TGS1: variants seen among roughly 807,000 people sequenced by gnomAD.
The protein encoded by TGS1 is trimethylguanosine synthase 1, also known as trimethylguanosine synthase.
TGS1 carries 69 observed loss-of-function variants against 92.2 expected under a neutral mutation model. That is an observed-to-expected ratio of 0.75 (90% confidence interval 0.62 to 0.91). TGS1 has a LOEUF of 0.91. TGS1 is among the 40% of genes least tolerant of loss of function. The pLI, the probability that TGS1 is intolerant of heterozygous loss-of-function variation, is 0.00. For synonymous variants in TGS1, 345 were observed against 338.1 expected (o/e 1.02, Z -0.22); for missense variants, 1,062 against 1,001.2 (o/e 1.06, Z -0.82).
chr8:55,809,654 C>T (rs966473952), intron 10 of TGS1, among the ~76,000 whole-genome samples: 6 of 152,054 alleles, frequency 3.9e-5, no homozygotes, highest in South Asian at 2.1e-4. Flanking sequence ...GATGGGGTTT[C>T]GAACTCCTGA....
At chr8:55,780,177 T>C (rs1243176813) in intron 1 of TGS1, among the ~76,000 whole-genome samples, 139 of 120,602 alleles carry the variant, frequency 1.2e-3, no homozygotes, top group African/African-American at 4.5e-3. Flanking sequence ...TTTTTTTTTC[T>C]TTTTTTTTTT....
In TGS1 at chr8:55,786,385, T is replaced by C; in HGVS notation, c.487T>C (p.Tyr163His). The C allele has an allele frequency of 6.2e-7, 1 of 1,613,788 alleles. No individual in the cohort carries two copies. The highest frequency in any genetic ancestry group is 8.5e-7 in the Non-Finnish European group (1 of 1,179,962). The change falls in exon 4 of 13, where the codon TAT (tyrosine) becomes CAT (histidine). Residue 163 changes from tyrosine to histidine, a missense_variant. By Grantham distance (83) the Tyr-to-His change is moderately conservative. Transcript: ENST00000260129. ...ASDDPSSIEQ[Y>H]ENTRTYELQS... The stretch of plus-strand genomic sequence containing the variant: ...AGATGATCCATCTTCAATTGAACAG[T>C]ATGAGAACACCAGAACATATGAACT...
At chr8:55,803,692 C>CTT (rs111520676) in intron 9 of TGS1, among the ~76,000 whole-genome samples, 5 of 144,150 alleles carry the variant, frequency 3.5e-5, no homozygotes, top group East Asian at 4.0e-4. Context: ...TTTTTCTTTT[C>CTT]TTTTTTTTTT....
rs748577594 is a variant in TGS1, at chr8:55,796,053, C to T, written c.1443C>T (p.Tyr481=). 2.3e-5 allele frequency: 37 copies of T among 1,612,794 alleles called. No homozygotes were observed. Among genetic ancestry groups the T allele is most frequent in the Non-Finnish European group, 3.1e-5 (36 of 1,179,190 alleles). Residue 481 remains tyrosine, a synonymous_variant, in exon 7 of 13, where the codon TAC becomes TAT. Coordinates refer to ENST00000260129, the MANE Select transcript of TGS1 (RefSeq NM_024831.8). ...AGAATGTGAAGCTTAAGTCTAAGTA[C>T]CTAGACATGCGCAGACAAATAAAGA... ...LEKNVKLKSK[Y]LDMRRQIKMK... is the part of the protein sequence containing the mutation.
At chr8:55,781,606 C>A (rs1308298753) in intron 1 of TGS1, among the ~76,000 whole-genome samples, 1 of 152,164 alleles carries the variant, frequency 6.6e-6, no homozygotes, top group African/African-American at 2.4e-5. Flanking sequence ...CTCCTGCTTC[C>A]CACCCCCAGT....
chr8:55,793,308 A>G (rs896883440), intron 6 of TGS1, among the ~76,000 whole-genome samples: 6 of 152,180 alleles, frequency 3.9e-5, no homozygotes, highest in African/African-American at 1.4e-4. Flanking sequence ...GCTGGGCAAT[A>G]TAGGGAGACC....
Position 55,802,618 on chromosome 8 carries a change from A to G in TGS1, c.1999+12A>G, listed in dbSNP as rs767715605. 1.7e-5 allele frequency: 27 copies of G among 1,586,814 alleles called. No homozygotes were observed. Among genetic ancestry groups the G allele is most frequent in the Non-Finnish European group, 2.2e-5 (26 of 1,170,716 alleles). On this transcript the variant is annotated intron_variant, in intron 9 of 12. Transcript: ENST00000260129. ...TAAGTTGGACAGAGGTAAAGTATAT[A>G]TGTATTTTTTAGCTTTATTTTGAAA... is the stretch of plus-strand genomic sequence containing the variant.
At position 55,786,813 on chromosome 8, in the gene TGS1, T is replaced by C; in HGVS notation, c.915T>C (p.Asp305=). ...CTTCACCTATTATGGTTGATAATGA[T>C]AGCTCTGGTACAAGTGATAAGGATC... ...FPSSPIMVDN[D]SSGTSDKDHS... Residue 305 remains aspartate, a synonymous_variant, in exon 4 of 13, where the codon GAT becomes GAC. Transcript: ENST00000260129. The C allele has an allele frequency of 3.1e-6, 5 of 1,614,186 alleles. No homozygotes were observed. Among genetic ancestry groups the C allele is most frequent in the Non-Finnish European group, 4.2e-6 (5 of 1,180,016 alleles).
intron 12 of TGS1, among the ~76,000 whole-genome samples, chr8:55,819,065 C>T (rs772460078): frequency 3.9e-5 from 6 of 152,312 alleles, no homozygotes; most frequent in Admixed American, 2.0e-4. Context: ...CCTCAGCCTT[C>T]AGAGTAGCTG....
chr8:55,806,277 A>T (rs1260231449), intron 10 of TGS1, among the ~76,000 whole-genome samples: 2 of 145,058 alleles, frequency 1.4e-5, no homozygotes, highest in African/African-American at 5.2e-5. Context: ...AATCGCATGA[A>T]CCCGGGAGGT....
At chr8:55,804,652 A>G (rs952327243) in intron 9 of TGS1, among the ~76,000 whole-genome samples, 1 of 152,216 alleles carries the variant, frequency 6.6e-6, no homozygotes, top group African/African-American at 2.4e-5. Context: ...ATGGAGGTAT[A>G]CAGTATTACA....
chr8:55,824,459 C>A, intron 12 of TGS1, 122 bp from the exon 13 acceptor site: 1 of 1,258,048 alleles, frequency 7.9e-7, no homozygotes, highest in Non-Finnish European at 1.1e-6. Context: ...ATTTGAGATG[C>A]CTCATTATTC....
In TGS1 at chr8:55,796,004, A is replaced by T; in HGVS notation, c.1394A>T (p.His465Leu). The T allele has an allele frequency of 6.2e-7, 1 of 1,613,564 alleles. No individual in the cohort carries two copies. Among genetic ancestry groups the T allele is most frequent in the Non-Finnish European group, 8.5e-7 (1 of 1,179,800 alleles). ...QKYGGIPNFS[H>L]RQVRYLEKNV... ...TATGGTGGAATCCCAAATTTCAGTC[A>T]TCGGCAGGTCAGGTATTTAGAGAAG... The change falls in exon 7 of 13, where the codon CAT becomes CTT. Residue 465 changes from histidine (H) to leucine (L), a missense_variant. His to Leu is a moderately conservative substitution (Grantham distance 99). Coordinates refer to ENST00000260129, the MANE Select transcript of TGS1 (RefSeq NM_024831.8).
chr8:55,797,865 G>A lies in TGS1; in HGVS notation c.1543-1049G>A, dbSNP rs1158065557. On this transcript the variant is annotated intron_variant, in intron 7 of 12. Coordinates refer to ENST00000260129, the MANE Select transcript of TGS1 (RefSeq NM_024831.8). ...TGACTCTTTTTCCCCTCAATACAGT[G>A]TCCTCCCTAACTTCAGCATACTTGT... Among the ~76,000 whole-genome samples, 3 of 152,216 alleles carry A rather than the reference G, an allele frequency of 2.0e-5. No homozygotes were observed. In the South Asian group the frequency reaches 6.2e-4, roughly 32 times the overall value.
In TGS1 at chr8:55,792,439, C is replaced by T. The variant is rs537322631; in HGVS notation, c.1281-259C>T. Among the ~76,000 whole-genome samples, 5 of 152,258 alleles carry T rather than the reference C, an allele frequency of 3.3e-5. No homozygotes were observed. The East Asian group carries it at 7.7e-4, about 23-fold the overall frequency. On this transcript the variant is annotated intron_variant, in intron 5 of 12. Transcript: ENST00000260129. ...TTGAGAGATTATATTTGTACCATAC[C>T]TAGGAATAGAAATCATTACTTGACA...
Position 55,801,443 on chromosome 8 carries a change from G to A in TGS1, c.1850-1014G>A, listed in dbSNP as rs1812210659. On this transcript the variant is annotated intron_variant, in intron 8 of 12. Coordinates refer to ENST00000260129, the MANE Select transcript of TGS1 (RefSeq NM_024831.8). ...CTGCCACCGTGCCCAGCTAATTTTT[G>A]TATTTTTTTTTAGTAGAGATGGGGT... Among the ~76,000 whole-genome samples the A allele has an allele frequency of 2.1e-5, 3 of 145,528 alleles. No individual in the cohort carries two copies. The South Asian group carries it at 6.7e-4, about 32-fold the overall frequency.
intron 8 of TGS1, among the ~76,000 whole-genome samples, chr8:55,800,281 C>T (rs751470224): frequency 1.3e-5 from 2 of 152,030 alleles, no homozygotes; most frequent in Non-Finnish European, 2.9e-5. Context: ...AACCGATGTT[C>T]ATATGACATT....
chr8:55,774,211 G>A (rs1227872518), intron 1 of TGS1, among the ~76,000 whole-genome samples: 1 of 152,114 alleles, frequency 6.6e-6, no homozygotes, highest in Admixed American at 6.6e-5. Flanking sequence ...TTATTTTGGG[G>A]AAATCTTTGA....
At chr8:55,775,333 G>T (rs1811365250) in intron 1 of TGS1, among the ~76,000 whole-genome samples, 1 of 152,118 alleles carries the variant, frequency 6.6e-6, no homozygotes. Context: ...AAACCCGCAG[G>T]ACTTTGTAGA....
Sources: allele counts gnomAD v4.1 joint callset (sites outside exome capture counted in the v4.1 genomes callset), GRCh38; gene constraint gnomAD v4.1.1; transcripts MANE v1.5; gene names NCBI Gene and HGNC (gene_info 2026-07-23, HGNC 2026-07-21).